The following FMN1 variants were observed in gnomAD, a reference collection of about 807,000 sequenced individuals.
FMN1 encodes formin 1, also known as formin-1.
A neutral mutation model predicts 132.4 loss-of-function variants in FMN1; 110 were observed. The observed-to-expected ratio is 0.83, with a 90% CI of 0.71 to 0.97. FMN1 has a LOEUF of 0.97. Ranked by LOEUF, FMN1 falls within the 50% of genes least tolerant of loss-of-function variation. The pLI, the probability that FMN1 is intolerant of heterozygous loss-of-function variation, is 0.00. For missense variants in FMN1, 1,792 were observed against 1,705.3 expected, an observed-to-expected ratio of 1.05 and a Z score of -0.90; for synonymous variants, 722 against 651.7, an observed-to-expected ratio of 1.11 and a Z score of -1.64.
At chr15:32,808,180 T>C (rs368603666) in intron 17 of FMN1, among the ~76,000 whole-genome samples, 2 of 152,228 alleles carry the variant, frequency 1.3e-5, no homozygotes, top group East Asian at 3.8e-4. Context: ...AATTCTGAAG[T>C]TCATAGTTCC....
chr15:33,193,714 G>A (rs1966162115), intron 2 of FMN1, among the ~76,000 whole-genome samples, 195 bp downstream of exon 2: 1 of 152,094 alleles, frequency 6.6e-6, no homozygotes, highest in Admixed American at 6.6e-5. Flanking sequence ...GCAGAAATGT[G>A]GATGATTAAA....
intron 9 of FMN1, among the ~76,000 whole-genome samples, chr15:32,942,702 C>T (rs1183709874): frequency 2.0e-5 from 3 of 152,176 alleles, no homozygotes; most frequent in Non-Finnish European, 4.4e-5. Context: ...GCTTAAGTTT[C>T]ACATTTGAAC....
chr15:32,778,302 CAG>C (rs2056557420), intron 19 of FMN1, among the ~76,000 whole-genome samples: 1 of 144,784 alleles, frequency 6.9e-6, no homozygotes, highest in South Asian at 2.1e-4. Flanking sequence ...TTTTTTGAGA[CAG>C]AGTCTTGCTC....
At chr15:32,986,813 A>G (rs2033099169) in intron 7 of FMN1, among the ~76,000 whole-genome samples, 1 of 152,108 alleles carries the variant, frequency 6.6e-6, no homozygotes, top group South Asian at 2.1e-4. Flanking sequence ...ATTATACTAT[A>G]TTACTTTTGA....
rs1361773746 is a variant in FMN1, at chr15:32,766,202, C to G, written c.*8108G>C. On this transcript the variant is annotated 3_prime_UTR_variant, in exon 21 of 21. Coordinates refer to ENST00000616417, the MANE Select transcript of FMN1 (RefSeq NM_001277313.2). ...AATGGCTATTTAGGACATGCTTGCA[C>G]TTTTAAGTGCTTTCAAGAGTGTAGC... 2.0e-5 allele frequency: 3 copies of G among 152,170 alleles called. No homozygotes were observed. 9.4% of individuals were successfully genotyped at this position (152,170 alleles called of 1,614,324 possible). A position where few individuals can be genotyped will look rare whatever the true frequency, so the allele number is the denominator to read the frequency against.
chr15:32,784,861 T>C (rs1023104429), intron 19 of FMN1, among the ~76,000 whole-genome samples: 1 of 152,148 alleles, frequency 6.6e-6, no homozygotes, highest in Non-Finnish European at 1.5e-5. Flanking sequence ...GAATTTTGCT[T>C]GAGTTCCCTG....
chr15:32,952,384 T>C (rs1226997037), intron 9 of FMN1, among the ~76,000 whole-genome samples: 5 of 152,220 alleles, frequency 3.3e-5, no homozygotes, highest in East Asian at 1.9e-4. Context: ...TCAAGCAGTA[T>C]AGCTTTCAGT....
intron 13 of FMN1, 165 bp from the exon 14 acceptor site, chr15:32,900,290 C>T: frequency 1.3e-6 from 1 of 744,152 alleles, no homozygotes; most frequent in Non-Finnish European, 2.4e-6. Flanking sequence ...CCATGAGTGT[C>T]TTTACAAACA....
chr15:32,948,070 C>T (rs1281383954), intron 9 of FMN1, among the ~76,000 whole-genome samples: 2 of 152,102 alleles, frequency 1.3e-5, no homozygotes, highest in South Asian at 2.1e-4. Flanking sequence ...TGTCACATGC[C>T]TGCTTCGTGG....
intron 9 of FMN1, among the ~76,000 whole-genome samples, chr15:32,935,209 C>G (rs994350353): frequency 6.6e-6 from 1 of 152,200 alleles, no homozygotes; most frequent in African/African-American, 2.4e-5. Context: ...GCGTGAGCCA[C>G]TGCACCCAGC....
chr15:33,048,710 A>C (rs111341111), intron 6 of FMN1, among the ~76,000 whole-genome samples: 42 of 151,292 alleles, frequency 2.8e-4, no homozygotes, highest in African/African-American at 9.7e-4. Context: ...TCATGACAAA[A>C]GGCAAGGAGG....
chr15:33,182,003 C>A (rs1296139365), intron 2 of FMN1, among the ~76,000 whole-genome samples: 2 of 152,146 alleles, frequency 1.3e-5, no homozygotes, highest in African/African-American at 4.8e-5. Context: ...AGCCACCATA[C>A]CCGGCCCGTG....
At chr15:33,165,767 G>C (rs956877222) in intron 3 of FMN1, among the ~76,000 whole-genome samples, 1 of 152,102 alleles carries the variant, frequency 6.6e-6, no homozygotes, top group African/African-American at 2.4e-5. Flanking sequence ...TGCAGGCAGG[G>C]TGCTTTGATG....
chr15:32,908,127 C>T (rs1048477289), intron 12 of FMN1: 1 of 177,376 alleles, frequency 5.6e-6, no homozygotes, highest in African/African-American at 2.4e-5. Context: ...TTCTGTGACT[C>T]TGATATCATC....
intron 15 of FMN1, among the ~76,000 whole-genome samples, chr15:32,888,961 C>A (rs111913449): frequency 6.6e-6 from 1 of 151,150 alleles, no homozygotes; most frequent in African/African-American, 2.4e-5. Flanking sequence ...CAGGTCCAAG[C>A]GATCCTTCTA....
intron 9 of FMN1, among the ~76,000 whole-genome samples, chr15:32,956,650 G>C (rs2061775873): frequency 6.6e-6 from 1 of 152,090 alleles, no homozygotes; most frequent in African/African-American, 2.4e-5. Context: ...CACTTCTATA[G>C]ATGATAATCC....
intron 9 of FMN1, among the ~76,000 whole-genome samples, chr15:32,959,966 G>C (rs1490798227): frequency 6.6e-6 from 1 of 152,186 alleles, no homozygotes; most frequent in Non-Finnish European, 1.5e-5. Flanking sequence ...AAGCCTTCCT[G>C]AAAGAGGCAA....
intron 17 of FMN1, among the ~76,000 whole-genome samples, chr15:32,850,338 T>G (rs2058980761): frequency 6.6e-6 from 1 of 152,210 alleles, no homozygotes; most frequent in Non-Finnish European, 1.5e-5. Context: ...TTTTGCAACT[T>G]AGAGATTTAA....
chr15:32,838,581 GCCCGCTTAAAGC>G (rs956361143), intron 17 of FMN1, among the ~76,000 whole-genome samples: 21 of 152,338 alleles, frequency 1.4e-4, no homozygotes, highest in South Asian at 1.2e-3. Context: ...CAACACACAT[GCCCGCTTAAAGC>G]CCCGCTTAAA....
Sources: allele counts gnomAD v4.1 joint callset (sites outside exome capture counted in the v4.1 genomes callset), GRCh38; gene constraint gnomAD v4.1.1; transcripts MANE v1.5; gene names NCBI Gene and HGNC (gene_info 2026-07-23, HGNC 2026-07-21).